EYS: variants seen among roughly 807,000 people sequenced by gnomAD.
The protein encoded by EYS is EGF-like photoreceptor maintenance factor.
A neutral mutation model predicts 282.1 loss-of-function variants in EYS; 250 were observed. The observed-to-expected ratio is 0.89, with a 90% CI of 0.80 to 0.98. The LOEUF (loss-of-function observed/expected upper bound fraction) is 0.98, where lower values mean the gene tolerates loss of function less well. EYS is among the 50% of genes least tolerant of loss of function. The pLI is 0.00. For synonymous variants in EYS, 1,355 were observed against 1,282.9 expected (o/e 1.06, Z -1.20); for missense variants, 4,016 against 3,709.0 (o/e 1.08, Z -2.15).
At chr6:65,452,669 G>A (rs1764448965) in intron 5 of EYS, among the ~76,000 whole-genome samples, 1 of 152,024 alleles carries the variant, frequency 6.6e-6, no homozygotes, top group Non-Finnish European at 1.5e-5. Flanking sequence ...AGTTCTCAAA[G>A]AAGTGTTGTA....
At chr6:65,506,933 T>C (rs1766682302) in intron 2 of EYS, among the ~76,000 whole-genome samples, 1 of 152,198 alleles carries the variant, frequency 6.6e-6, no homozygotes, top group Non-Finnish European at 1.5e-5. Context: ...TCACCCAATA[T>C]ATGGTTATCA....
At chr6:64,502,278 T>C (rs1244557690) in intron 26 of EYS, among the ~76,000 whole-genome samples, 3 of 152,070 alleles carry the variant, frequency 2.0e-5, no homozygotes, top group African/African-American at 7.2e-5. Context: ...TCTCCCTCTG[T>C]CGCCCAGGCT....
At chr6:65,056,072 A>G (rs1318144531) in intron 13 of EYS, among the ~76,000 whole-genome samples, 1 of 152,050 alleles carries the variant, frequency 6.6e-6, no homozygotes, top group Non-Finnish European at 1.5e-5. Flanking sequence ...TCATTTATTC[A>G]TTCAACCATA....
At chr6:65,463,598 T>C (rs1236585086) in intron 5 of EYS, among the ~76,000 whole-genome samples, 1 of 152,200 alleles carries the variant, frequency 6.6e-6, no homozygotes, top group East Asian at 1.9e-4. Context: ...GTGCAAGAAG[T>C]ATTTTATGTA....
At chr6:64,551,491 AC>A (rs1479338484) in intron 26 of EYS, among the ~76,000 whole-genome samples, 1 of 143,122 alleles carries the variant, frequency 7.0e-6, no homozygotes, top group Admixed American at 7.1e-5. Flanking sequence ...AATTCTAAGC[AC>A]CCCCAATCAA....
intron 29 of EYS, among the ~76,000 whole-genome samples, chr6:64,333,688 C>G (rs77881661): frequency 2.6e-5 from 4 of 152,016 alleles, no homozygotes; most frequent in African/African-American, 9.7e-5. Context: ...CTGGTCATCA[C>G]GAAGAAAACC....
chr6:65,413,825 C>T (rs1267469566), intron 5 of EYS, among the ~76,000 whole-genome samples: 1 of 151,850 alleles, frequency 6.6e-6, no homozygotes, highest in Admixed American at 6.6e-5. Flanking sequence ...CACTGCACTC[C>T]AGTATGGGCG....
intron 5 of EYS, among the ~76,000 whole-genome samples, chr6:65,422,468 A>C (rs966241843): frequency 2.0e-5 from 3 of 151,972 alleles, no homozygotes; most frequent in Admixed American, 6.6e-5. Flanking sequence ...AAATCTGTGA[A>C]TATAGTAAGT....
rs538065236 is a variant in EYS at position 65,521,342 on chromosome 6, A to G, written c.-332-25349T>C. ...TTTCTTACACTGAATAAATTACTGA[A>G]CACAGTTTCCCCATCAGTGAAAAGA... On this transcript the variant is annotated intron_variant, in intron 2 of 42. Transcript: ENST00000503581. Among the ~76,000 whole-genome samples, 12 of 152,236 alleles carry G rather than the reference A, an allele frequency of 7.9e-5. 1 individual carries two copies. The highest frequency in any genetic ancestry group is 2.9e-4 in the African/African-American group (12 of 41,544).
At chr6:64,979,847 T>G (rs1197118037) in intron 14 of EYS, among the ~76,000 whole-genome samples, 1 of 151,622 alleles carries the variant, frequency 6.6e-6, no homozygotes, top group African/African-American at 2.4e-5. Flanking sequence ...TTAGCCAACA[T>G]GATTAATATT....
chr6:63,747,122 G>A lies in EYS; in HGVS notation c.8071+15339C>T, dbSNP rs138297430. Among the ~76,000 whole-genome samples the A allele has an allele frequency of 2.6e-3, 396 of 152,194 alleles. 1 individual carries two copies. The highest frequency in any genetic ancestry group is 9.2e-3 in the African/African-American group (381 of 41,528). ...GCTTTAGCTGTGTCCTAAAGATTCT[G>A]GTACACAAACACAAAAAGATTGTGT... On this transcript the variant is annotated intron_variant, in intron 41 of 42. Coordinates refer to ENST00000503581, the MANE Select transcript of EYS (RefSeq NM_001142800.2).
intron 35 of EYS, among the ~76,000 whole-genome samples, chr6:63,874,838 C>A (rs1258723808): frequency 6.6e-6 from 1 of 152,214 alleles, no homozygotes; most frequent in Admixed American, 6.5e-5. Flanking sequence ...TGAGACTTTA[C>A]TGAAGTTGCT....
chr6:63,871,735 C>T (rs1392559964), intron 35 of EYS, among the ~76,000 whole-genome samples: 1 of 152,126 alleles, frequency 6.6e-6, no homozygotes, highest in Non-Finnish European at 1.5e-5. Flanking sequence ...CCTTGTGATG[C>T]TGGAGCTGGA....
chr6:64,727,844 C>A (rs79904232), intron 22 of EYS, among the ~76,000 whole-genome samples: 1 of 152,208 alleles, frequency 6.6e-6, no homozygotes, highest in Non-Finnish European at 1.5e-5. Flanking sequence ...TAAGTTGTTT[C>A]TTTACAAAGT....
At chr6:65,414,762 G>A (rs1488952349) in intron 5 of EYS, among the ~76,000 whole-genome samples, 1 of 151,954 alleles carries the variant, frequency 6.6e-6, no homozygotes, top group African/African-American at 2.4e-5. Flanking sequence ...TCCGGGGTGA[G>A]GTCATAAGTG....
rs1322158167 is a variant in EYS at position 63,806,187 on chromosome 6, T to C, written c.7411+3A>G. ...AAGTCCTAGAGGGTTCAGTTAATCT[T>C]ACCATGGCCTTTCTGTCCAGTAAAA... On this transcript the variant is annotated splice_donor_region_variant and intron_variant, in intron 37 of 42. Transcript: ENST00000503581. 6.4e-7 allele frequency: 1 copy of C among 1,550,822 alleles called. No homozygotes were observed. The highest frequency in any genetic ancestry group is 2.4e-5 in the East Asian group (1 of 40,890).
intron 7 of EYS, among the ~76,000 whole-genome samples, chr6:65,396,200 T>G (rs934482442): frequency 1.3e-5 from 2 of 152,190 alleles, no homozygotes; most frequent in Admixed American, 6.5e-5. Context: ...CTGTCTCAAC[T>G]CAAAGATCTG....
intron 29 of EYS, among the ~76,000 whole-genome samples, chr6:64,372,229 T>C (rs1029654387): frequency 6.7e-6 from 1 of 149,050 alleles, no homozygotes; most frequent in African/African-American, 2.5e-5. Flanking sequence ...GTAAGGTAGG[T>C]CTGGTGGTAA....
intron 36 of EYS, among the ~76,000 whole-genome samples, chr6:63,836,930 C>T (rs1008784970): frequency 2.0e-5 from 3 of 151,838 alleles, no homozygotes; most frequent in Admixed American, 2.0e-4. Flanking sequence ...ATAACTTGGC[C>T]TTGTATCATT....
Sources: gnomAD v4.1 joint callset for allele counts (sites outside exome capture counted in the v4.1 genomes callset) on GRCh38, gnomAD v4.1.1 for gene constraint, MANE v1.5 for transcripts, NCBI Gene and HGNC (gene_info 2026-07-23, HGNC 2026-07-21) for gene names.